Variants in DLEC1 observed in about 807,000 individuals in gnomAD.
The protein encoded by DLEC1 is DLEC1 cilia and flagella associated protein, also known as deleted in lung and esophageal cancer protein 1.
In DLEC1, 146 loss-of-function variants were observed where a neutral mutation model predicts 198.1. The ratio of observed to expected loss-of-function variants is 0.74; its 90% confidence interval spans 0.64 to 0.85. The LOEUF (loss-of-function observed/expected upper bound fraction) is 0.85, where lower values mean the gene tolerates loss of function less well. Ranked by LOEUF, DLEC1 falls within the 40% of genes least tolerant of loss-of-function variation. The probability of loss-of-function intolerance (pLI) is 0.00; values close to 1 mark genes in which losing one functional copy is unlikely to be tolerated. For synonymous variants in DLEC1, 897 were observed against 866.8 expected (o/e 1.03, Z -0.61); for missense variants, 2,233 against 2,220.0 (o/e 1.01, Z -0.12).
At chr3:38,064,977 C>G (rs1302875298) in intron 6 of DLEC1, among the ~76,000 whole-genome samples, 1 of 152,180 alleles carries the variant, frequency 6.6e-6, no homozygotes, top group Admixed American at 6.5e-5. Flanking sequence ...CTTTGGGAGG[C>G]CAAGGCAGGC....
chr3:38,041,860 A>C (rs1282281705), intron 1 of DLEC1, among the ~76,000 whole-genome samples: 2 of 151,894 alleles, frequency 1.3e-5, no homozygotes, highest in Non-Finnish European at 2.9e-5. Flanking sequence ...AAAAAAAAAA[A>C]AAAAAAGAAA....
In DLEC1 at chr3:38,054,470, A is replaced by T. The variant is rs80049537; in HGVS notation, c.563-5272A>T. On this transcript the variant is annotated intron_variant, in intron 2 of 36. Transcript: ENST00000308059. ...GGGTCCTTGGAGCACAGCAAGCAGC[A>T]TGAGCCTCTTGCTGGCACAGGTTTC... Among the ~76,000 whole-genome samples the T allele has an allele frequency of 2.7e-3, 413 of 152,340 alleles. 2 individuals are homozygous for T. The highest frequency in any genetic ancestry group is 4.8e-3 in the Non-Finnish European group (329 of 68,028).
chr3:38,114,775 T>G (rs755989661), intron 26 of DLEC1, among the ~76,000 whole-genome samples: 11 of 152,106 alleles, frequency 7.2e-5, no homozygotes, highest in Admixed American at 2.0e-4. Flanking sequence ...GGCAGGTGGG[T>G]GGGTTGCCAG....
In DLEC1 at chr3:38,117,053, G is replaced by A. The variant is rs745595991; in HGVS notation, c.4258G>A (p.Val1420Met). 6 of 1,613,996 alleles carry A rather than the reference G, an allele frequency of 3.7e-6. No homozygotes were observed. In the Admixed American group the frequency reaches 6.7e-5, roughly 18 times the overall value. ...MVLSPEILHKVECTGYALGFM... is the reference protein window; with the variant it reads ...MVLSPEILHKMECTGYALGFM... ...GCTCAGCCCTGAGATCCTGCACAAGGTGGAGTGTACTGGCTACGCCCTGGG... is the reference window on the plus strand; with the variant it reads ...GCTCAGCCCTGAGATCCTGCACAAGATGGAGTGTACTGGCTACGCCCTGGG... Residue 1420 changes from valine to methionine, a missense_variant, in exon 30 of 37, where the codon GTG becomes ATG. By Grantham distance (21) the Val-to-Met change is conservative. Coordinates refer to ENST00000308059, the MANE Select transcript of DLEC1 (RefSeq NM_007335.4).
intron 19 of DLEC1, among the ~76,000 whole-genome samples, chr3:38,105,798 C>T (rs1001894556): frequency 2.6e-5 from 4 of 151,930 alleles, no homozygotes; most frequent in East Asian, 1.9e-4. Flanking sequence ...CTTCATCTCC[C>T]GTTTTGCTAT....
chr3:38,101,412 T>C lies in DLEC1; in HGVS notation c.2864+987T>C, dbSNP rs115118539. On this transcript the variant is annotated intron_variant, in intron 19 of 36. Transcript: ENST00000308059. ...AGAGGTTGCAGTGAATGAATATATA[T>C]ATATATTCATTTTCTTAAGCTGGCT... is the stretch of plus-strand genomic sequence containing the variant. Among the ~76,000 whole-genome samples the C allele has an allele frequency of 3.3e-3, 510 of 152,248 alleles. 2 individuals are homozygous for C. The highest frequency in any genetic ancestry group is 0.011 in the African/African-American group (472 of 41,540).
chr3:38,045,513 T>C (rs778895093), intron 1 of DLEC1, 30 bp from the exon 2 acceptor site: 2 of 1,604,554 alleles, frequency 1.2e-6, no homozygotes, highest in African/African-American at 1.3e-5. Context: ...TCTCACCATA[T>C]TTCTGTGCAT....
At chr3:38,096,135 C>T (rs1320024205) in intron 14 of DLEC1, among the ~76,000 whole-genome samples, 189 bp downstream of exon 14, 5 of 152,196 alleles carry the variant, frequency 3.3e-5, no homozygotes, top group Non-Finnish European at 7.3e-5. Context: ...ACACTAAGCT[C>T]GCTAAACTCA....
At chr3:38,056,520 G>A (rs1696381716) in intron 2 of DLEC1, among the ~76,000 whole-genome samples, 1 of 152,130 alleles carries the variant, frequency 6.6e-6, no homozygotes, top group Non-Finnish European at 1.5e-5. Flanking sequence ...ATGTTGGCCA[G>A]GCTGGTCTTG....
chr3:38,053,412 G>A (rs1215682206), intron 2 of DLEC1, among the ~76,000 whole-genome samples: 3 of 151,880 alleles, frequency 2.0e-5, no homozygotes, highest in East Asian at 3.9e-4. Context: ...GCTCCGTCTG[G>A]GATGTGAGGA....
At chr3:38,085,481 T>G in intron 8 of DLEC1, 34 bp downstream of exon 8, 3 of 1,610,568 alleles carry the variant, frequency 1.9e-6, no homozygotes, top group Non-Finnish European at 2.5e-6. Flanking sequence ...ACAGATTCAG[T>G]TAAGGTTGGA....
Position 38,108,512 on chromosome 3 carries a change from C to G in DLEC1, c.3126C>G (p.Thr1042=), listed in dbSNP as rs979213864. ...CQLKLELTAH[T]QEELTHLALP... The stretch of plus-strand genomic sequence containing the variant: ...TCAAGTTGGAGTTGACTGCTCATAC[C>G]CAGGTGAGTAAGGCAATGTAGGGCC... Residue 1042 remains threonine (T), a synonymous_variant, in exon 21 of 37, where the codon ACC becomes ACG. Transcript: ENST00000308059. 1 of 1,613,436 alleles carries G rather than the reference C, an allele frequency of 6.2e-7. No individual in the cohort carries two copies. Among genetic ancestry groups the G allele is most frequent in the African/African-American group, 1.3e-5 (1 of 74,922 alleles).
chr3:38,117,465 G>A (rs777209583), intron 31 of DLEC1, 62 bp from the exon 32 acceptor site: 17 of 1,610,480 alleles, frequency 1.1e-5, no homozygotes, highest in Middle Eastern at 3.3e-4. Flanking sequence ...GATGAGCAGA[G>A]TGGGGGCAGC....
At chr3:38,051,786 A>G (rs1701130894) in intron 2 of DLEC1, 1 of 156,486 alleles carries the variant, frequency 6.4e-6, no homozygotes, top group Non-Finnish European at 1.5e-5. Context: ...ACAACAGAAC[A>G]CTGCTCATTT....
At chr3:38,105,885 TTAGA>T (rs1438813875) in intron 19 of DLEC1, among the ~76,000 whole-genome samples, 2 of 152,230 alleles carry the variant, frequency 1.3e-5, no homozygotes, top group Admixed American at 1.3e-4. Context: ...TTCTTCTTTG[TTAGA>T]TAGGTAGTTT....
chr3:38,047,420 A>G (rs1700930386), intron 2 of DLEC1, among the ~76,000 whole-genome samples: 1 of 152,250 alleles, frequency 6.6e-6, no homozygotes. Context: ...TCACAGAACA[A>G]TGTTAGGATA....
intron 10 of DLEC1, 125 bp downstream of exon 10, chr3:38,088,513 CAT>C: frequency 1.3e-6 from 1 of 795,186 alleles, no homozygotes; most frequent in Non-Finnish European, 2.0e-6. Flanking sequence ...TGGGTAGACG[CAT>C]ATTCTTGCAT....
chr3:38,056,109 ACACAC>A (rs1696356657), intron 2 of DLEC1, among the ~76,000 whole-genome samples: 2 of 132,466 alleles, frequency 1.5e-5, no homozygotes, highest in African/African-American at 3.1e-5. Context: ...ACACACACAC[ACACAC>A]ACAAATAGCT....
chr3:38,092,983 T>A (rs1698820233), intron 11 of DLEC1, 103 bp downstream of exon 11: 1 of 1,101,592 alleles, frequency 9.1e-7, no homozygotes, highest in Admixed American at 1.8e-5. Flanking sequence ...GTTTCCTGTG[T>A]GTGTCAGGAG....
Sources: allele counts gnomAD v4.1 joint callset (sites outside exome capture counted in the v4.1 genomes callset), GRCh38; gene constraint gnomAD v4.1.1; transcripts MANE v1.5; gene names NCBI Gene and HGNC (gene_info 2026-07-23, HGNC 2026-07-21).